LY86: variants seen among roughly 807,000 people sequenced by gnomAD.
LY86 encodes the protein MD-1, RP105-associated.
In LY86, 20 loss-of-function variants were observed where a neutral mutation model predicts 17.3. The ratio of observed to expected loss-of-function variants is 1.15; its 90% CI spans 0.81 to 1.68. The LOEUF is 1.68. Ranked by LOEUF, LY86 falls within the 40% of genes most tolerant of loss-of-function variation. The pLI is 0.00. For missense variants in LY86, 200 were observed against 191.9 expected (o/e 1.04, Z -0.25); for synonymous variants, 74 against 70.6 (o/e 1.05, Z -0.24).
intron 1 of LY86, among the ~76,000 whole-genome samples, chr6:6,614,009 TCTA>T (rs1434735558): frequency 1.3e-5 from 2 of 152,242 alleles, no homozygotes; most frequent in Non-Finnish European, 2.9e-5. Context: ...CTTAGAACCT[TCTA>T]CTTACATTCC....
At chr6:6,622,126 A>C (rs756986608) in intron 1 of LY86, among the ~76,000 whole-genome samples, 2 of 152,200 alleles carry the variant, frequency 1.3e-5, no homozygotes, top group Non-Finnish European at 2.9e-5. Context: ...TTTTATATAC[A>C]TATCCTCAGA....
intron 1 of LY86, among the ~76,000 whole-genome samples, chr6:6,606,449 G>A (rs186171350): frequency 1.4e-4 from 21 of 152,326 alleles, no homozygotes; most frequent in Non-Finnish European, 2.2e-4. Context: ...GGAGCTGCCT[G>A]CCAGTCCCAC....
chr6:6,652,638 C>T (rs1762204963), intron 4 of LY86, among the ~76,000 whole-genome samples: 1 of 152,166 alleles, frequency 6.6e-6, no homozygotes, highest in South Asian at 2.1e-4. Context: ...CATGTATTGC[C>T]AAAGGTGCAC....
chr6:6,595,148 GA>G lies in LY86; in HGVS notation c.136+6279del, dbSNP rs1432864546. ...GGAGGTGGTGAGGGAGAGGGAAAGA[GA>G]GGAGGAGAGAAAAGAGCGGAAGGAG... On this transcript the variant is annotated intron_variant, in intron 1 of 4. Coordinates refer to ENST00000230568, the MANE Select transcript of LY86 (RefSeq NM_004271.4). 7.1e-4 allele frequency among the ~76,000 whole-genome samples: 103 copies of G among 145,758 alleles called. 3 individuals are homozygous for G. In the East Asian group the frequency reaches 0.018, roughly 25 times the overall value.
At chr6:6,592,622 G>A (rs1007833855) in intron 1 of LY86, among the ~76,000 whole-genome samples, 1 of 152,154 alleles carries the variant, frequency 6.6e-6, no homozygotes, top group Admixed American at 6.5e-5. Context: ...TTAGAAGGTG[G>A]GGCCTTTAGG....
At chr6:6,591,701 G>C (rs989645956) in intron 1 of LY86, among the ~76,000 whole-genome samples, 2 of 152,184 alleles carry the variant, frequency 1.3e-5, no homozygotes, top group Non-Finnish European at 2.9e-5. Context: ...GGGTCACAGA[G>C]AAGGTAAGAC....
At chr6:6,603,360 G>A (rs1171847661) in intron 1 of LY86, among the ~76,000 whole-genome samples, 1 of 40,468 alleles carries the variant, frequency 2.5e-5, no homozygotes, top group Non-Finnish European at 5.5e-5. Flanking sequence ...GAGAAACCAA[G>A]ACAGTTCACA....
intron 1 of LY86, among the ~76,000 whole-genome samples, chr6:6,599,652 G>A (rs1336630277): frequency 6.6e-6 from 1 of 152,200 alleles, no homozygotes; most frequent in Non-Finnish European, 1.5e-5. Flanking sequence ...AAAGAGAGGG[G>A]TCAGCATTCT....
chr6:6,612,168 G>T (rs1295998616), intron 1 of LY86, among the ~76,000 whole-genome samples: 1 of 145,988 alleles, frequency 6.8e-6, no homozygotes, highest in Non-Finnish European at 1.5e-5. Context: ...CAATTTGGGG[G>T]TTCTTGGTCT....
intron 1 of LY86, among the ~76,000 whole-genome samples, chr6:6,590,118 T>TAAAA (rs34637229): frequency 0.014 from 1,106 of 80,524 alleles, 35 homozygotes; most frequent in East Asian, 0.048. Context: ...AACTCTGTCT[T>TAAAA]AAAAAAAAAA....
intron 3 of LY86, among the ~76,000 whole-genome samples, chr6:6,635,445 CT>C (rs1761946811): frequency 2.0e-5 from 3 of 152,164 alleles, no homozygotes; most frequent in Admixed American, 2.0e-4. Context: ...CTCACTCTCT[CT>C]CTCCCTTTCT....
intron 1 of LY86, among the ~76,000 whole-genome samples, chr6:6,602,443 G>A (rs185643883): frequency 2.0e-5 from 3 of 152,284 alleles, no homozygotes; most frequent in South Asian, 2.1e-4. Flanking sequence ...AAACCACATC[G>A]GAATTAGTAC....
rs558099290 is a variant in LY86 at position 6,588,797 on chromosome 6, C to T, written c.63C>T (p.Gly21=). The stretch of plus-strand genomic sequence containing the variant: ...TGATTTTTCCCAGCTGCAGTGGAGG[C>T]GGCGGTGGGAAAGCCTGGCCCACAC... ...WTLIFPSCSG[G]GGGKAWPTHV... The change falls in exon 1 of 5, where the codon GGC becomes GGT. Residue 21 remains glycine, a synonymous_variant. Coordinates refer to ENST00000230568, the MANE Select transcript of LY86 (RefSeq NM_004271.4). 145 of 1,614,140 alleles carry T rather than the reference C, an allele frequency of 9.0e-5. 7 individuals carry two copies. The highest frequency in any genetic ancestry group is 4.0e-4 in the Admixed American group (24 of 60,030).
chr6:6,606,896 G>A (rs1160798407), intron 1 of LY86, among the ~76,000 whole-genome samples: 1 of 152,272 alleles, frequency 6.6e-6, no homozygotes, highest in East Asian at 1.9e-4. Flanking sequence ...AGGCTGAAGG[G>A]CACCTCAAGC....
At chr6:6,592,214 A>C (rs1156969775) in intron 1 of LY86, among the ~76,000 whole-genome samples, 1 of 152,210 alleles carries the variant, frequency 6.6e-6, no homozygotes, top group Non-Finnish European at 1.5e-5. Flanking sequence ...CTGAATACTG[A>C]CTAGGAAGTA....
intron 1 of LY86, among the ~76,000 whole-genome samples, chr6:6,590,118 TAAAAAAAAAA>T (rs34637229): frequency 3.7e-5 from 3 of 80,586 alleles, no homozygotes; most frequent in Admixed American, 3.0e-4. Context: ...AACTCTGTCT[TAAAAAAAAAA>T]AAAAAAAAAA....
intron 3 of LY86, among the ~76,000 whole-genome samples, chr6:6,631,212 A>G (rs1761892765): frequency 6.6e-6 from 1 of 152,194 alleles, no homozygotes; most frequent in Non-Finnish European, 1.5e-5. Flanking sequence ...GGTGGTGACC[A>G]GAAGTGCTCT....
intron 3 of LY86, among the ~76,000 whole-genome samples, chr6:6,637,992 A>G (rs781205258): frequency 1.3e-5 from 2 of 152,234 alleles, no homozygotes; most frequent in Non-Finnish European, 2.9e-5. Flanking sequence ...GAAGTTAGGT[A>G]TCTCTCAGAG....
chr6:6,653,340 G>A (rs989023465), intron 4 of LY86, among the ~76,000 whole-genome samples: 1 of 151,938 alleles, frequency 6.6e-6, no homozygotes, highest in African/African-American at 2.4e-5. Context: ...CCTCCTTTGG[G>A]TGACAGGCAG....
Sources: gnomAD v4.1 joint callset for allele counts (sites outside exome capture counted in the v4.1 genomes callset) on GRCh38, gnomAD v4.1.1 for gene constraint, MANE v1.5 for transcripts, NCBI Gene and HGNC (gene_info 2026-07-23, HGNC 2026-07-21) for gene names.